The following STPG2 variants were observed in gnomAD, a reference collection of about 807,000 sequenced individuals.
STPG2 encodes sperm-tail PG-rich repeat-containing protein 2.
In STPG2, 56 loss-of-function variants were observed where a neutral mutation model predicts 54.2. That is an observed-to-expected ratio of 1.03 (90% CI 0.83 to 1.29). The LOEUF (loss-of-function observed/expected upper bound fraction) is 1.29, where lower values mean the gene tolerates loss of function less well. STPG2 is among the 50% of genes most tolerant of loss of function. STPG2 has a pLI of 0.00. For missense variants in STPG2, 596 were observed against 544.9 expected (o/e 1.09, Z -0.93); for synonymous variants, 200 against 181.8 (o/e 1.10, Z -0.81).
At chr4:97,493,278 T>A (rs560142484) in intron 4 of STPG2, among the ~76,000 whole-genome samples, 10 of 151,406 alleles carry the variant, frequency 6.6e-5, no homozygotes, top group Admixed American at 5.3e-4. Flanking sequence ...ATTGAGGAAG[T>A]GTATACAAAT....
intron 5 of STPG2, among the ~76,000 whole-genome samples, chr4:98,009,135 C>T (rs948537257): frequency 2.0e-5 from 3 of 151,786 alleles, no homozygotes; most frequent in African/African-American, 7.3e-5. Flanking sequence ...TTTCAGTGTT[C>T]TGTTCTGATC....
chr4:97,657,512 G>A (rs1046851360), intron 10 of STPG2, among the ~76,000 whole-genome samples: 1 of 152,116 alleles, frequency 6.6e-6, no homozygotes, highest in African/African-American at 2.4e-5. Context: ...TTAGAAAGAA[G>A]GAATATTGGC....
chr4:97,783,251 A>C (rs528084292), intron 9 of STPG2, among the ~76,000 whole-genome samples: 1 of 152,160 alleles, frequency 6.6e-6, no homozygotes, highest in South Asian at 2.1e-4. Flanking sequence ...CAACCGCATC[A>C]AAAAGTGGCC....
At chr4:97,968,106 C>T (rs764050014) in intron 7 of STPG2, among the ~76,000 whole-genome samples, 1 of 151,956 alleles carries the variant, frequency 6.6e-6, no homozygotes, top group Non-Finnish European at 1.5e-5. Context: ...AATTGAGACA[C>T]CATTAGCAAG....
chr4:97,922,426 TG>T (rs1732144261), intron 8 of STPG2, among the ~76,000 whole-genome samples: 1 of 151,974 alleles, frequency 6.6e-6, no homozygotes, highest in African/African-American at 2.4e-5. Flanking sequence ...TGGCCAGAGA[TG>T]AAAAAAATGA....
At chr4:98,079,194 C>A (rs950107672) in intron 5 of STPG2, among the ~76,000 whole-genome samples, 13 of 152,126 alleles carry the variant, frequency 8.5e-5, no homozygotes, top group African/African-American at 2.4e-4. Context: ...TCTACATGGG[C>A]AGCCTGTTGA....
chr4:97,477,715 C>T (rs2148818808), intron 4 of STPG2, among the ~76,000 whole-genome samples: 1 of 151,606 alleles, frequency 6.6e-6, no homozygotes, highest in South Asian at 2.1e-4. Flanking sequence ...TGGTCTCAAT[C>T]TCCTGACCTC....
intron 9 of STPG2, among the ~76,000 whole-genome samples, chr4:97,794,439 A>C (rs1367183779): frequency 6.6e-6 from 1 of 152,124 alleles, no homozygotes; most frequent in Non-Finnish European, 1.5e-5. Flanking sequence ...TATCACTTGA[A>C]ATCTATTGCA....
intron 4 of STPG2, among the ~76,000 whole-genome samples, chr4:97,525,277 C>T (rs1361370332): frequency 1.3e-5 from 2 of 151,666 alleles, no homozygotes; most frequent in African/African-American, 4.8e-5. Flanking sequence ...TGCAAAGAAC[C>T]ATCACAAAAG....
At chr4:97,525,383 G>A (rs1323488399) in intron 4 of STPG2, among the ~76,000 whole-genome samples, 2 of 151,784 alleles carry the variant, frequency 1.3e-5, no homozygotes, top group Admixed American at 6.6e-5. Context: ...TACATACTTC[G>A]TTGAACAACT....
At chr4:97,711,473 G>C (rs1256409403) in intron 10 of STPG2, among the ~76,000 whole-genome samples, 1 of 151,962 alleles carries the variant, frequency 6.6e-6, no homozygotes, top group Non-Finnish European at 1.5e-5. Flanking sequence ...ATACTCTCAA[G>C]AGATTCTCCC....
chr4:98,085,138 T>G (rs1398826205), intron 5 of STPG2, among the ~76,000 whole-genome samples: 1 of 152,098 alleles, frequency 6.6e-6, no homozygotes, highest in Non-Finnish European at 1.5e-5. Flanking sequence ...TTTTAAGGTT[T>G]GGTTTGGTTT....
chr4:97,751,710 AT>A (rs1453551653), intron 9 of STPG2, among the ~76,000 whole-genome samples: 1 of 151,712 alleles, frequency 6.6e-6, no homozygotes, highest in Non-Finnish European at 1.5e-5. Flanking sequence ...GCCCAGTTGG[AT>A]TTATGAGAAT....
chr4:98,141,865 T>G (rs1024951606), intron 1 of STPG2, among the ~76,000 whole-genome samples: 3 of 147,708 alleles, frequency 2.0e-5, no homozygotes, highest in African/African-American at 7.6e-5. Context: ...GAGAAGATGA[T>G]GCCCTGATTC....
intron 8 of STPG2, among the ~76,000 whole-genome samples, chr4:97,917,590 T>C (rs1731933269): frequency 6.6e-6 from 1 of 152,148 alleles, no homozygotes; most frequent in Admixed American, 6.5e-5. Context: ...TAAAATAATA[T>C]AGTAGCAATT....
chr4:98,022,575 A>T (rs1331903828), intron 5 of STPG2, among the ~76,000 whole-genome samples: 1 of 151,764 alleles, frequency 6.6e-6, no homozygotes, highest in Non-Finnish European at 1.5e-5. Context: ...GCCTTGCTAG[A>T]TTGGGGAAGT....
At chr4:98,130,535 A>G (rs1008458296) in intron 2 of STPG2, among the ~76,000 whole-genome samples, 22 of 152,108 alleles carry the variant, frequency 1.4e-4, no homozygotes, top group African/African-American at 2.7e-4. Flanking sequence ...TTTCAGTAAT[A>G]CCTATGGGAT....
At chr4:97,912,167 A>G (rs1175973317) in intron 8 of STPG2, among the ~76,000 whole-genome samples, 1 of 152,216 alleles carries the variant, frequency 6.6e-6, no homozygotes. Context: ...TTCAAAGATC[A>G]GCAACCTCAA....
intron 10 of STPG2, among the ~76,000 whole-genome samples, chr4:97,703,196 C>T (rs940295736): frequency 6.6e-6 from 1 of 151,766 alleles, no homozygotes; most frequent in African/African-American, 2.4e-5. Flanking sequence ...CAGTTCATGC[C>T]AAGGACTATC....
Sources: allele counts gnomAD v4.1 joint callset (sites outside exome capture counted in the v4.1 genomes callset), GRCh38; gene constraint gnomAD v4.1.1; transcripts MANE v1.5; gene names NCBI Gene and HGNC (gene_info 2026-07-23, HGNC 2026-07-21).